The following ARL6 variants were observed in gnomAD, a reference collection of about 807,000 sequenced individuals.
ARL6 encodes ADP-ribosylation factor-like protein 6.
A neutral mutation model predicts 27.1 loss-of-function variants in ARL6; 18 were observed. The ratio of observed to expected loss-of-function variants is 0.66; its 90% CI spans 0.46 to 0.98. The LOEUF is 0.98. Ranked by LOEUF, ARL6 falls within the 50% of genes least tolerant of loss-of-function variation. The probability of loss-of-function intolerance (pLI) is 0.00; values close to 1 mark genes in which losing one functional copy is unlikely to be tolerated. For synonymous variants in ARL6, 65 were observed against 72.3 expected (o/e 0.90, Z 0.51); for missense variants, 187 against 214.9 (o/e 0.87, Z 0.81).
intron 1 of ARL6, among the ~76,000 whole-genome samples, chr3:97,765,205 A>AT (rs201651000): frequency 0.014 from 1,731 of 121,220 alleles, 33 homozygotes; most frequent in African/African-American, 0.052. Context: ...AGACCCGTGT[A>AT]TTGGGGGTGT....
intron 6 of ARL6, among the ~76,000 whole-genome samples, chr3:97,788,418 C>G (rs1199603582): frequency 6.6e-6 from 1 of 152,170 alleles, no homozygotes; most frequent in African/African-American, 2.4e-5. Context: ...ATGGAGTCAG[C>G]CAAGCACAGT....
At chr3:97,794,558 C>G (rs574291850) in intron 7 of ARL6, among the ~76,000 whole-genome samples, 1 of 152,090 alleles carries the variant, frequency 6.6e-6, no homozygotes, top group Non-Finnish European at 1.5e-5. Context: ...TTTATATTGT[C>G]ATATTCCCAA....
chr3:97,796,351 T>C (rs1342392492), intron 7 of ARL6, among the ~76,000 whole-genome samples: 1 of 152,050 alleles, frequency 6.6e-6, no homozygotes, highest in Non-Finnish European at 1.5e-5. Flanking sequence ...AAATGAGTTC[T>C]TGGAAAATAA....
At chr3:97,765,316 A>C (rs891981176) in intron 1 of ARL6, among the ~76,000 whole-genome samples, 5 of 152,020 alleles carry the variant, frequency 3.3e-5, no homozygotes, top group African/African-American at 1.2e-4. Context: ...TTGGGGTAAT[A>C]AAAGTAGGCA....
chr3:97,799,934 GGACAGCAACCAGGA>G lies in ARL6; in HGVS notation c.*1886_*1899del, dbSNP rs1223620654. ...AAATGATAGAAAAGGCTCTTACTTG[GGACAGCAACCAGGA>G]CAGGGATGGTAGAGGGAAGGTCAGA... is the stretch of plus-strand genomic sequence containing the variant. On this transcript the variant is annotated 3_prime_UTR_variant, in exon 8 of 8. Coordinates refer to ENST00000463745, the MANE Select transcript of ARL6 (RefSeq NM_001278293.3). 6.6e-6 allele frequency: 1 copy of G among 152,038 alleles called. No individual in the cohort carries two copies. Among genetic ancestry groups the G allele is most frequent in the Non-Finnish European group, 1.5e-5 (1 of 67,958 alleles). 9.4% of individuals were successfully genotyped at this position (152,038 alleles called of 1,614,324 possible). A position where few individuals can be genotyped will look rare whatever the true frequency, so the allele number is the denominator to read the frequency against.
intron 2 of ARL6, among the ~76,000 whole-genome samples, chr3:97,779,956 T>C (rs2037105278): frequency 6.6e-6 from 1 of 152,188 alleles, no homozygotes; most frequent in Non-Finnish European, 1.5e-5. Flanking sequence ...GAATTAATAT[T>C]ATGCAGATTC....
rs2038232633 is a variant in ARL6 at position 97,800,949 on chromosome 3, C to T, written c.*2900C>T. 2 of 152,130 alleles carry T rather than the reference C, an allele frequency of 1.3e-5. No homozygotes were observed. The highest frequency in any genetic ancestry group is 1.5e-5 in the Non-Finnish European group (1 of 68,024). 9.4% of individuals were successfully genotyped at this position (152,130 alleles called of 1,614,324 possible). On this transcript the variant is annotated 3_prime_UTR_variant, in exon 8 of 8. Transcript: ENST00000463745. ...ATCTTCACATGGCTCCTCCCAAAGA[C>T]CCCACCTCCTAATATCATCACATGT...
chr3:97,794,218 T>TGTGTGTGTGTG (rs71113870), intron 7 of ARL6, among the ~76,000 whole-genome samples: 3 of 145,630 alleles, frequency 2.1e-5, no homozygotes, highest in South Asian at 2.2e-4. Flanking sequence ...TGTGTGTGTG[T>TGTGTGTGTGTG]TTTTGAGATG....
At chr3:97,793,838 A>G (rs1166155344) in intron 7 of ARL6, among the ~76,000 whole-genome samples, 3 of 151,908 alleles carry the variant, frequency 2.0e-5, no homozygotes, top group African/African-American at 7.3e-5. Flanking sequence ...TCTGTTTTAT[A>G]TAGAAAGCAT....
At chr3:97,797,540 A>G (rs763899138) in intron 7 of ARL6, among the ~76,000 whole-genome samples, 6 of 152,142 alleles carry the variant, frequency 3.9e-5, no homozygotes, top group Non-Finnish European at 7.4e-5. Flanking sequence ...GTCTCATATT[A>G]CATTGAAGGA....
At chr3:97,770,772 G>A (rs531091761) in intron 2 of ARL6, among the ~76,000 whole-genome samples, 19 of 151,794 alleles carry the variant, frequency 1.3e-4, no homozygotes, top group Non-Finnish European at 2.5e-4. Context: ...AGCATCATAA[G>A]ACTATCCTTT....
chr3:97,790,085 G>GTGTGTT (rs1277205029), intron 6 of ARL6, among the ~76,000 whole-genome samples: 1 of 151,658 alleles, frequency 6.6e-6, no homozygotes, highest in Non-Finnish European at 1.5e-5. Flanking sequence ...GTGTGTGTGT[G>GTGTGTT]TGTGTGCATG....
rs904385680 is a variant in ARL6, at chr3:97,799,297, C to T, written c.*1248C>T. 18 of 151,964 alleles carry T rather than the reference C, an allele frequency of 1.2e-4. No individual in the cohort carries two copies. The highest frequency in any genetic ancestry group is 4.1e-4 in the African/African-American group (17 of 41,408). 9.4% of individuals were successfully genotyped at this position (151,964 alleles called of 1,614,324 possible). A position where few individuals can be genotyped will look rare whatever the true frequency, so the allele number is the denominator to read the frequency against. On this transcript the variant is annotated 3_prime_UTR_variant, in exon 8 of 8. Coordinates refer to ENST00000463745, the MANE Select transcript of ARL6 (RefSeq NM_001278293.3). ...TGTTTCACAAAGATTTTAATAAAAG[C>T]ACATAAAGCTACAATAAAAGTTCTA...
chr3:97,791,831 A>G lies in ARL6; in HGVS notation c.535+5A>G. 2 of 1,612,072 alleles carry G rather than the reference A, an allele frequency of 1.2e-6. No homozygotes were observed. Among genetic ancestry groups the G allele is most frequent in the East Asian group, 2.2e-5 (1 of 44,766 alleles). ...AAGGTGTAGACTGGCTTCAAGGTAC[A>G]TTACAAAATACTGTGTGTCTTCAGC... On this transcript the variant is annotated splice_donor_5th_base_variant and intron_variant, in intron 7 of 7. Transcript: ENST00000463745.
intron 4 of ARL6, 137 bp from the exon 5 acceptor site, chr3:97,784,818 C>T (rs2037369482): frequency 1.7e-6 from 1 of 584,416 alleles, no homozygotes; most frequent in African/African-American, 1.9e-5. Context: ...TAATAAGAAA[C>T]AACACCAAAA....
intron 2 of ARL6, among the ~76,000 whole-genome samples, chr3:97,778,851 G>A (rs2037037460): frequency 6.6e-6 from 1 of 152,028 alleles, no homozygotes; most frequent in Non-Finnish European, 1.5e-5. Flanking sequence ...GTAATTCAAA[G>A]CAAGAAATGA....
chr3:97,774,511 G>T (rs751396284), intron 2 of ARL6, among the ~76,000 whole-genome samples: 1 of 152,088 alleles, frequency 6.6e-6, no homozygotes, highest in Non-Finnish European at 1.5e-5. Flanking sequence ...TGGGGGAGGG[G>T]ATGTTGCCAC....
intron 6 of ARL6, among the ~76,000 whole-genome samples, chr3:97,790,096 TTGTG>T (rs1410978263): frequency 1.4e-5 from 2 of 146,294 alleles, no homozygotes; most frequent in Non-Finnish European, 3.0e-5. Flanking sequence ...TGTGTGCATG[TTGTG>T]TGTATGTATA....
chr3:97,765,289 C>T (rs1036369235), intron 1 of ARL6, among the ~76,000 whole-genome samples: 1 of 150,150 alleles, frequency 6.7e-6, no homozygotes, highest in African/African-American at 2.5e-5. Flanking sequence ...AACTGAAAGC[C>T]GAATAAGAAT....
Sources: allele counts gnomAD v4.1 joint callset (sites outside exome capture counted in the v4.1 genomes callset), GRCh38; gene constraint gnomAD v4.1.1; transcripts MANE v1.5; gene names NCBI Gene and HGNC (gene_info 2026-07-23, HGNC 2026-07-21).